Variants in TBC1D5 observed in about 807,000 individuals in gnomAD.
TBC1D5 encodes TBC1 domain family, member 5.
In TBC1D5, 75 loss-of-function variants were observed where a neutral mutation model predicts 100.3. The ratio of observed to expected loss-of-function variants is 0.75; its 90% CI spans 0.62 to 0.91. TBC1D5 has a LOEUF of 0.91. Among genes scored for constraint, TBC1D5 ranks in the 40% least tolerant of loss-of-function variants. The pLI is 0.00. For synonymous variants in TBC1D5, 323 were observed against 325.6 expected, an observed-to-expected ratio of 0.99 and a Z score of 0.09; for missense variants, 910 against 942.4, an observed-to-expected ratio of 0.97 and a Z score of 0.45.
At chr3:17,165,472 G>A (rs1178901410) in intron 21 of TBC1D5, among the ~76,000 whole-genome samples, 4 of 152,128 alleles carry the variant, frequency 2.6e-5, no homozygotes, top group East Asian at 1.9e-4. Flanking sequence ...GTGAAGAAAC[G>A]AATGAAATTA....
At chr3:17,508,053 T>A (rs539863116) in intron 3 of TBC1D5, among the ~76,000 whole-genome samples, 10 of 148,084 alleles carry the variant, frequency 6.8e-5, no homozygotes, top group South Asian at 2.1e-4. Flanking sequence ...TCAATTACTT[T>A]AAAAAAAAAA....
intron 2 of TBC1D5, among the ~76,000 whole-genome samples, chr3:17,588,761 G>T (rs1393781245): frequency 6.6e-6 from 1 of 152,052 alleles, no homozygotes; most frequent in Non-Finnish European, 1.5e-5. Flanking sequence ...TAAAGTCTTA[G>T]GAGTTTTCAT....
intron 18 of TBC1D5, among the ~76,000 whole-genome samples, chr3:17,185,736 A>G (rs2068966754): frequency 6.6e-6 from 1 of 151,980 alleles, no homozygotes; most frequent in South Asian, 2.1e-4. Flanking sequence ...ATAGCTCATC[A>G]TTTTCTAGAC....
chr3:17,446,558 A>C (rs994243591), intron 3 of TBC1D5, among the ~76,000 whole-genome samples: 1 of 152,250 alleles, frequency 6.6e-6, no homozygotes, highest in South Asian at 2.1e-4. Flanking sequence ...GAGGAAATGT[A>C]ATCTGGAATG....
At chr3:17,324,926 A>G (rs1045248012) in intron 13 of TBC1D5, among the ~76,000 whole-genome samples, 5 of 152,230 alleles carry the variant, frequency 3.3e-5, no homozygotes, top group Non-Finnish European at 2.9e-5. Flanking sequence ...TGGCTTTTTA[A>G]GAAATGACAA....
chr3:17,633,596 G>A (rs1577131522), intron 1 of TBC1D5, among the ~76,000 whole-genome samples: 1 of 152,092 alleles, frequency 6.6e-6, no homozygotes, highest in East Asian at 1.9e-4. Flanking sequence ...GGATCTGGAA[G>A]TAAACAGCAT....
intron 3 of TBC1D5, among the ~76,000 whole-genome samples, chr3:17,450,805 T>G (rs148641189): frequency 1.3e-5 from 2 of 152,060 alleles, no homozygotes; most frequent in South Asian, 2.1e-4. Context: ...AGTTGGAAAA[T>G]ACACTTCAGG....
At chr3:17,183,227 C>G (rs1355282875) in intron 19 of TBC1D5, among the ~76,000 whole-genome samples, 1 of 152,204 alleles carries the variant, frequency 6.6e-6, no homozygotes, top group East Asian at 1.9e-4. Flanking sequence ...AGACCTTTAA[C>G]TGCTCGTTCC....
chr3:17,428,433 A>ATG lies in TBC1D5; in HGVS notation c.167+15_167+16dup, dbSNP rs1459482502. On this transcript the variant is annotated intron_variant, in intron 4 of 21. Transcript: ENST00000253692. ...TGTGTATATATATATATATATATAT[A>ATG]TGTATTCATCACCTACCTATAGGAA... 2 of 777,116 alleles carry ATG rather than the reference A, an allele frequency of 2.6e-6. No homozygotes were observed. Among genetic ancestry groups the ATG allele is most frequent in the Non-Finnish European group, 3.8e-6 (2 of 532,934 alleles). 48.1% of individuals were successfully genotyped at this position (777,116 alleles called of 1,614,324 possible).
At chr3:17,545,376 C>A (rs2096404767) in intron 2 of TBC1D5, among the ~76,000 whole-genome samples, 1 of 152,212 alleles carries the variant, frequency 6.6e-6, no homozygotes, top group South Asian at 2.1e-4. Context: ...TTTGCTGACA[C>A]CTGATCTCAG....
intron 1 of TBC1D5, among the ~76,000 whole-genome samples, chr3:17,650,515 T>C (rs1301841383): frequency 2.0e-5 from 3 of 152,130 alleles, no homozygotes; most frequent in African/African-American, 2.4e-5. Flanking sequence ...TGGGTAAAGA[T>C]TTTTATTTCT....
intron 3 of TBC1D5, among the ~76,000 whole-genome samples, chr3:17,459,200 T>G (rs1000769583): frequency 6.6e-6 from 1 of 152,136 alleles, no homozygotes; most frequent in Admixed American, 6.5e-5. Flanking sequence ...AGAGCAGCGG[T>G]CCTCAATCTT....
chr3:17,322,787 C>T (rs1365816076), intron 13 of TBC1D5, among the ~76,000 whole-genome samples: 2 of 152,104 alleles, frequency 1.3e-5, no homozygotes, highest in African/African-American at 2.4e-5. Context: ...GAAGAAATAA[C>T]AGAAAACGAA....
intron 2 of TBC1D5, among the ~76,000 whole-genome samples, chr3:17,590,026 G>A (rs184482416): frequency 1.3e-5 from 2 of 152,282 alleles, no homozygotes; most frequent in African/African-American, 4.8e-5. Context: ...AAGTGCAAAG[G>A]TCCAAAAGCA....
intron 1 of TBC1D5, among the ~76,000 whole-genome samples, chr3:17,670,098 G>A (rs1248142008): frequency 6.6e-6 from 1 of 152,142 alleles, no homozygotes; most frequent in Non-Finnish European, 1.5e-5. Context: ...ATGTTGGCCA[G>A]GCTGGTCTTG....
At chr3:17,452,072 T>A (rs1157996632) in intron 3 of TBC1D5, among the ~76,000 whole-genome samples, 3 of 152,124 alleles carry the variant, frequency 2.0e-5, no homozygotes, top group Non-Finnish European at 4.4e-5. Context: ...GTTTACACAA[T>A]CAGTGTTAAG....
chr3:17,607,585 T>C (rs2061409398), intron 2 of TBC1D5, among the ~76,000 whole-genome samples: 1 of 151,152 alleles, frequency 6.6e-6, no homozygotes, highest in Non-Finnish European at 1.5e-5. Context: ...TGCAAATTCA[T>C]AATGGGCCCT....
At chr3:17,268,399 T>C (rs2079046726) in intron 15 of TBC1D5, among the ~76,000 whole-genome samples, 1 of 152,074 alleles carries the variant, frequency 6.6e-6, no homozygotes, top group African/African-American at 2.4e-5. Context: ...TTTGGTCTCC[T>C]TTCTAGAATA....
At chr3:17,628,817 T>C (rs1394290471) in intron 1 of TBC1D5, among the ~76,000 whole-genome samples, 1 of 152,220 alleles carries the variant, frequency 6.6e-6, no homozygotes, top group Non-Finnish European at 1.5e-5. Flanking sequence ...AGATATGTTC[T>C]TAAAAATGCT....
Sources: gnomAD v4.1 joint callset for allele counts (sites outside exome capture counted in the v4.1 genomes callset) on GRCh38, gnomAD v4.1.1 for gene constraint, MANE v1.5 for transcripts, NCBI Gene and HGNC (gene_info 2026-07-23, HGNC 2026-07-21) for gene names.